The following ANOS1 variants were observed in gnomAD, a reference collection of about 807,000 sequenced individuals.
The protein encoded by ANOS1 is anosmin-1.
In ANOS1, 6 loss-of-function variants were observed where a neutral mutation model predicts 59.0. That is an observed-to-expected ratio of 0.10 (90% CI 0.06 to 0.20). ANOS1 has a LOEUF of 0.20. ANOS1 is among the 10% of genes least tolerant of loss of function. The pLI, the probability that ANOS1 is intolerant of heterozygous loss-of-function variation, is 1.00. For missense variants in ANOS1, 433 were observed against 542.3 expected, an observed-to-expected ratio of 0.80 and a Z score of 2.00; for synonymous variants, 217 against 223.4, an observed-to-expected ratio of 0.97 and a Z score of 0.25.
chrX:8,688,961 C>T (rs899996750), intron 2 of ANOS1, among the ~76,000 whole-genome samples: 1 of 111,991 alleles, frequency 8.9e-6, no homozygotes, highest in African/African-American at 3.3e-5. Context: ...GGAAGCAAAT[C>T]AGTGACACCA....
At chrX:8,534,506 A>G (rs755016642) in intron 12 of ANOS1, 46 bp from the exon 13 acceptor site, 1 of 1,169,568 alleles carries the variant, frequency 8.6e-7, no homozygotes, top group Non-Finnish European at 1.2e-6. Context: ...AACCTTTCAG[A>G]GACAACATGC....
At chrX:8,705,224 G>A (rs1313099155) in intron 1 of ANOS1, among the ~76,000 whole-genome samples, 2 of 111,159 alleles carry the variant, frequency 1.8e-5, no homozygotes, top group East Asian at 5.6e-4. Flanking sequence ...TATCACTTAG[G>A]TTCAATGATC....
At chrX:8,731,702 G>A (rs1316561773) in intron 1 of ANOS1, 128 bp downstream of exon 1, 17 of 1,084,002 alleles carry the variant, frequency 1.6e-5, no homozygotes, top group Non-Finnish European at 1.8e-5. Flanking sequence ...CCACGCCCAG[G>A]GGAAGCCAGG....
At chrX:8,558,377 ACTGT>A (rs1349380658) in intron 8 of ANOS1, among the ~76,000 whole-genome samples, 2 of 109,466 alleles carry the variant, frequency 1.8e-5, no homozygotes, top group Non-Finnish European at 3.8e-5. Flanking sequence ...AGTCATATTA[ACTGT>A]CTGTTTTTTT....
chrX:8,660,533 A>G (rs1042468775), intron 2 of ANOS1, among the ~76,000 whole-genome samples: 1 of 111,293 alleles, frequency 9.0e-6, no homozygotes, highest in Admixed American at 9.6e-5. Context: ...CCAGCCCTCT[A>G]GGAGGCCAAG....
chrX:8,679,607 C>T (rs1427728733), intron 2 of ANOS1, among the ~76,000 whole-genome samples: 4 of 109,477 alleles, frequency 3.7e-5, no homozygotes, highest in East Asian at 5.7e-4. Flanking sequence ...TCATAAAAAC[C>T]GAAAGTAGAC....
intron 2 of ANOS1, among the ~76,000 whole-genome samples, chrX:8,685,557 A>AGAAG (rs57131589): frequency 1.5e-3 from 141 of 91,106 alleles, no homozygotes; most frequent in Admixed American, 4.4e-3. Context: ...GAAGAAAGAA[A>AGAAG]GAAGGAAGGA....
chrX:8,629,507 T>A (rs1931451649), intron 2 of ANOS1, among the ~76,000 whole-genome samples: 1 of 111,944 alleles, frequency 8.9e-6, no homozygotes, highest in Non-Finnish European at 1.9e-5. Context: ...TCCATGGGAT[T>A]AGTAAACTAT....
intron 1 of ANOS1, among the ~76,000 whole-genome samples, chrX:8,704,846 G>C (rs909250642): frequency 1.8e-5 from 2 of 111,379 alleles, no homozygotes; most frequent in East Asian, 5.6e-4. Flanking sequence ...AGCAGTTTGG[G>C]AGTAATCCTA....
intron 2 of ANOS1, among the ~76,000 whole-genome samples, chrX:8,640,010 T>G (rs760499536): frequency 6.3e-5 from 7 of 110,922 alleles, no homozygotes; most frequent in Non-Finnish European, 1.3e-4. Context: ...TCGGAGTTTA[T>G]AGACCACCTA....
At chrX:8,686,679 A>T (rs142706320) in intron 2 of ANOS1, among the ~76,000 whole-genome samples, 4,243 of 112,097 alleles carry the variant, frequency 0.038, 209 homozygotes, top group African/African-American at 0.13. Flanking sequence ...TAGGCCAGGC[A>T]TGGTGGCTCA....
intron 2 of ANOS1, among the ~76,000 whole-genome samples, chrX:8,693,198 T>C (rs981430329): frequency 8.9e-5 from 10 of 112,445 alleles, no homozygotes; most frequent in African/African-American, 3.2e-4. Flanking sequence ...AGGCTGTCTT[T>C]GGCTGGATAT....
chrX:8,663,442 C>T (rs755855229), intron 2 of ANOS1, among the ~76,000 whole-genome samples: 10 of 110,994 alleles, frequency 9.0e-5, no homozygotes, highest in Non-Finnish European at 1.3e-4. Flanking sequence ...TGAAACTGTG[C>T]CCCGAGGAGT....
At chrX:8,574,005 C>T (rs1221090384) in intron 6 of ANOS1, among the ~76,000 whole-genome samples, 1 of 111,089 alleles carries the variant, frequency 9.0e-6, no homozygotes, top group African/African-American at 3.3e-5. Flanking sequence ...ACTGCCAGAC[C>T]ATGTCACTCC....
intron 4 of ANOS1, among the ~76,000 whole-genome samples, chrX:8,596,387 T>C (rs1328400446): frequency 1.8e-5 from 2 of 111,875 alleles, no homozygotes; most frequent in Admixed American, 9.5e-5. Context: ...TGGATTCATC[T>C]TGGCTTTAAA....
In ANOS1 at chrX:8,686,593, C is replaced by T. The variant is rs189026866; in HGVS notation, c.255+13105G>A. On this transcript the variant is annotated intron_variant, in intron 2 of 13. Coordinates refer to ENST00000262648, the MANE Select transcript of ANOS1 (RefSeq NM_000216.4). ...CTATTAACTGCAAAATCCACAGTATCCATAGGCCAAAAGTATCTACCCATT... is the reference window on the plus strand; with the variant it reads ...CTATTAACTGCAAAATCCACAGTATTCATAGGCCAAAAGTATCTACCCATT... Among the ~76,000 whole-genome samples the T allele has an allele frequency of 1.2e-4, 13 of 111,981 alleles. No homozygotes were observed. The East Asian group carries it at 2.8e-3, about 24-fold the overall frequency.
intron 1 of ANOS1, among the ~76,000 whole-genome samples, chrX:8,719,218 G>A (rs1201607465): frequency 8.9e-6 from 1 of 111,983 alleles, no homozygotes; most frequent in African/African-American, 3.2e-5. Context: ...TTTCTTTCTG[G>A]TATACACAGT....
intron 3 of ANOS1, among the ~76,000 whole-genome samples, chrX:8,599,223 C>A (rs1044399717): frequency 2.7e-5 from 3 of 112,430 alleles, no homozygotes; most frequent in Non-Finnish European, 5.6e-5. Flanking sequence ...CAGTGAAGGG[C>A]TGCCATGGTT....
At chrX:8,578,578 T>C (rs769485942) in intron 6 of ANOS1, among the ~76,000 whole-genome samples, 1 of 112,132 alleles carries the variant, frequency 8.9e-6, no homozygotes, top group African/African-American at 3.2e-5. Flanking sequence ...GATACTTATA[T>C]GCTGTGAAAA....
Sources: gnomAD v4.1 joint callset for allele counts (sites outside exome capture counted in the v4.1 genomes callset) on GRCh38, gnomAD v4.1.1 for gene constraint, MANE v1.5 for transcripts, NCBI Gene and HGNC (gene_info 2026-07-23, HGNC 2026-07-21) for gene names.